Variants in ZNF521 observed in about 807,000 individuals in gnomAD.
The protein encoded by ZNF521 is zinc finger protein 521, also known as LYST-interacting protein 3.
In ZNF521, 14 loss-of-function variants were observed where a neutral mutation model predicts 105.5. The observed-to-expected ratio is 0.13, with a 90% CI of 0.09 to 0.21. The LOEUF (loss-of-function observed/expected upper bound fraction) is 0.21. Among genes scored for constraint, ZNF521 ranks in the 10% least tolerant of loss-of-function variants. ZNF521 has a pLI of 1.00. For synonymous variants in ZNF521, 635 were observed against 606.0 expected, an observed-to-expected ratio of 1.05 and a Z score of -0.70; for missense variants, 1,233 against 1,629.7, an observed-to-expected ratio of 0.76 and a Z score of 4.19.
intron 5 of ZNF521, among the ~76,000 whole-genome samples, chr18:25,193,956 T>C (rs1221919301): frequency 3.3e-5 from 5 of 151,358 alleles, no homozygotes; most frequent in Non-Finnish European, 4.4e-5. Flanking sequence ...AAGCACATCC[T>C]ATTGAAAAAT....
intron 6 of ZNF521, among the ~76,000 whole-genome samples, chr18:25,090,685 T>C (rs1277063743): frequency 6.6e-6 from 1 of 152,244 alleles, no homozygotes; most frequent in Admixed American, 6.5e-5. Context: ...GCAGCTAATC[T>C]GCATATAACT....
chr18:25,226,372 G>A lies in ZNF521; in HGVS notation c.1546C>T (p.Pro516Ser), dbSNP rs114749105. 61 of 1,614,128 alleles carry A rather than the reference G, an allele frequency of 3.8e-5. No individual in the cohort carries two copies. The East Asian group carries it at 1.3e-3, about 35-fold the overall frequency. The change falls in exon 4 of 8, where the codon CCC becomes TCC. Residue 516 changes from proline (P) to serine (S), a missense_variant. Pro to Ser is a moderately conservative substitution (Grantham distance 74). This residue lies in a region of ZNF521 where 380 missense variants were observed against 478.0 expected (regional missense o/e 0.80). Coordinates refer to ENST00000361524, the MANE Select transcript of ZNF521 (RefSeq NM_015461.3). This position sits in a 1 kb window ranked among gnomAD's most constrained non-coding sequence, Gnocchi z 4.1. ...AAKDSNAFFC[P>S]HCYMGFLTDS... The stretch of plus-strand genomic sequence containing the variant: ...GTGAGAAACCCCATATAGCAATGGG[G>A]ACAAAAGAATGCATTACTATCTTTA...
chr18:25,261,615 C>T (rs1908914303), intron 3 of ZNF521, among the ~76,000 whole-genome samples: 1 of 151,762 alleles, frequency 6.6e-6, no homozygotes. Context: ...CCCCTTTTTC[C>T]TTCTCTCTCC....
At chr18:25,072,490 G>A (rs1194731389) in intron 7 of ZNF521, among the ~76,000 whole-genome samples, 2 of 152,106 alleles carry the variant, frequency 1.3e-5, no homozygotes, top group Non-Finnish European at 2.9e-5. Flanking sequence ...TTCCCTCTTT[G>A]CAACTGACAA....
At chr18:25,074,795 AC>A (rs1336920019) in intron 7 of ZNF521, among the ~76,000 whole-genome samples, 3 of 151,658 alleles carry the variant, frequency 2.0e-5, no homozygotes, top group Non-Finnish European at 4.4e-5. Context: ...TTCTGGCTTT[AC>A]TTCTAGGTCT....
At chr18:25,350,421 C>A (rs1914684566) in intron 2 of ZNF521, among the ~76,000 whole-genome samples, 2 of 152,102 alleles carry the variant, frequency 1.3e-5, no homozygotes, top group South Asian at 4.2e-4. Context: ...GGACCCCGGG[C>A]CACGTTTGTC....
At position 25,226,789 on chromosome 18, in the gene ZNF521, T is replaced by C. The variant is rs1906172853; in HGVS notation, c.1129A>G (p.Ile377Val). 6.2e-7 allele frequency: 1 copy of C among 1,614,062 alleles called. No homozygotes were observed. The highest frequency in any genetic ancestry group is 8.5e-7 in the Non-Finnish European group (1 of 1,179,994). The change falls in exon 4 of 8, where the codon ATC becomes GTC. Residue 377 changes from isoleucine (I) to valine (V), a missense_variant. Ile to Val is a conservative substitution (Grantham distance 29). Coordinates refer to ENST00000361524, the MANE Select transcript of ZNF521 (RefSeq NM_015461.3). The surrounding 1 kb of genome is among the most constrained non-coding windows in gnomAD (Gnocchi z 4.1). Reference sequence around the variant, plus strand: ...CTCTTCCTCCCTCGACTCTTTGGGATTGGCGGGGCAGCTTCCACCATGGTT... The same window carrying C: ...CTCTTCCTCCCTCGACTCTTTGGGACTGGCGGGGCAGCTTCCACCATGGTT... ...SSTMVEAAPPIPKSRGRKRAA... is the reference protein window; with the variant it reads ...SSTMVEAAPPVPKSRGRKRAA...
intron 4 of ZNF521, among the ~76,000 whole-genome samples, chr18:25,207,650 G>A (rs1322237041): frequency 6.6e-6 from 1 of 152,176 alleles, no homozygotes; most frequent in African/African-American, 2.4e-5. Flanking sequence ...GAAGTGAACT[G>A]ATGTGAGCTT....
At chr18:25,195,430 A>G (rs748499442) in intron 4 of ZNF521, among the ~76,000 whole-genome samples, 186 bp from the exon 5 acceptor site, 6 of 151,822 alleles carry the variant, frequency 4.0e-5, no homozygotes, top group Admixed American at 6.6e-5. Flanking sequence ...TCCCAACACT[A>G]TATTTTCATT....
intron 7 of ZNF521, among the ~76,000 whole-genome samples, chr18:25,088,217 T>C (rs902069032): frequency 7.9e-5 from 12 of 151,768 alleles, no homozygotes; most frequent in Admixed American, 7.2e-4. Context: ...TTCTTTTCTT[T>C]TCTTTTTTTT....
At chr18:25,163,584 T>C (rs770102520) in intron 5 of ZNF521, among the ~76,000 whole-genome samples, 2 of 152,152 alleles carry the variant, frequency 1.3e-5, no homozygotes, top group Non-Finnish European at 2.9e-5. Context: ...GGCTTTGTTG[T>C]TAAGACACAA....
At chr18:25,124,006 G>C (rs1287632351) in intron 5 of ZNF521, among the ~76,000 whole-genome samples, 2 of 152,106 alleles carry the variant, frequency 1.3e-5, no homozygotes, top group Non-Finnish European at 2.9e-5. Flanking sequence ...TGCGGGACTG[G>C]GAGCCAAGAA....
chr18:25,228,258 C>T (rs1469954781), intron 3 of ZNF521, among the ~76,000 whole-genome samples: 1 of 152,128 alleles, frequency 6.6e-6, no homozygotes, highest in Non-Finnish European at 1.5e-5. Context: ...GACCTTATTG[C>T]TTTCAGCAAA....
At chr18:25,314,600 G>T (rs1376712807) in intron 3 of ZNF521, among the ~76,000 whole-genome samples, 1 of 152,190 alleles carries the variant, frequency 6.6e-6, no homozygotes, top group Non-Finnish European at 1.5e-5. Flanking sequence ...CTACAACCCT[G>T]GGTAGGGCTT....
chr18:25,242,878 G>GACTCCACTTCAA (rs1327071084), intron 3 of ZNF521, among the ~76,000 whole-genome samples: 8 of 152,178 alleles, frequency 5.3e-5, no homozygotes, highest in Admixed American at 5.2e-4. Context: ...AATCTGATGA[G>GACTCCACTTCAA]ACTCCACTTC....
intron 4 of ZNF521, among the ~76,000 whole-genome samples, chr18:25,210,358 T>C (rs2036157452): frequency 6.6e-6 from 1 of 152,194 alleles, no homozygotes; most frequent in South Asian, 2.1e-4. Flanking sequence ...CCTTCTACTA[T>C]ACTATGCTGC....
At chr18:25,066,984 T>G (rs990824206) in intron 7 of ZNF521, among the ~76,000 whole-genome samples, 1 of 152,106 alleles carries the variant, frequency 6.6e-6, no homozygotes, top group Non-Finnish European at 1.5e-5. Context: ...TTTACATAAT[T>G]GAGAAGAACA....
At chr18:25,240,948 A>T (rs1206207883) in intron 3 of ZNF521, among the ~76,000 whole-genome samples, 12 of 50,296 alleles carry the variant, frequency 2.4e-4, no homozygotes, top group Admixed American at 4.6e-4. Flanking sequence ...ACCAGATATT[A>T]AAAAAAAAAA....
chr18:25,192,579 T>G (rs2035836440), intron 5 of ZNF521, among the ~76,000 whole-genome samples: 3 of 151,902 alleles, frequency 2.0e-5, no homozygotes, highest in Admixed American at 6.6e-5. Context: ...TAAAACAAAA[T>G]CTGCAAAAAC....
Sources: gnomAD v4.1 joint callset for allele counts (sites outside exome capture counted in the v4.1 genomes callset) on GRCh38, gnomAD v4.1.1 for gene constraint, gnomAD v4.1.1 regional missense constraint, Gnocchi (gnomAD v3.1) non-coding constraint, MANE v1.5 for transcripts, NCBI Gene and HGNC (gene_info 2026-07-23, HGNC 2026-07-21) for gene names.